The following DNER variants were observed in gnomAD, a reference collection of about 807,000 sequenced individuals.
The protein encoded by DNER is delta and Notch-like epidermal growth factor-related receptor.
Under a neutral mutation model 78.2 loss-of-function variants are expected in DNER, and 33 were observed. The ratio of observed to expected loss-of-function variants is 0.42; its 90% confidence interval spans 0.32 to 0.56. DNER has a LOEUF of 0.56. Ranked by LOEUF, DNER falls within the 20% of genes least tolerant of loss-of-function variation. The pLI is 0.11. For synonymous variants in DNER, 417 were observed against 384.8 expected (o/e 1.08, Z -0.98); for missense variants, 918 against 975.3 (o/e 0.94, Z 0.78).
chr2:229,513,891 C>T (rs1695920103), intron 5 of DNER, among the ~76,000 whole-genome samples: 1 of 152,134 alleles, frequency 6.6e-6, no homozygotes, highest in South Asian at 2.1e-4. Flanking sequence ...CACCCTCCCT[C>T]CCTCTCCCTG....
intron 8 of DNER, among the ~76,000 whole-genome samples, chr2:229,439,234 C>T (rs1351901063): frequency 1.3e-5 from 2 of 152,216 alleles, no homozygotes; most frequent in Non-Finnish European, 2.9e-5. Flanking sequence ...ATGGCCATTT[C>T]ATCTCACCTC....
chr2:229,583,285 C>T (rs1170435294), intron 4 of DNER, among the ~76,000 whole-genome samples: 1 of 152,198 alleles, frequency 6.6e-6, no homozygotes, highest in African/African-American at 2.4e-5. Context: ...TGTAATGCAC[C>T]TGACCTAGCA....
chr2:229,656,192 G>T (rs1698908760), intron 1 of DNER, among the ~76,000 whole-genome samples: 1 of 152,118 alleles, frequency 6.6e-6, no homozygotes, highest in Non-Finnish European at 1.5e-5. Flanking sequence ...CTTTGCCTGT[G>T]GTTACCACAT....
chr2:229,397,578 A>G (rs1476559777), intron 10 of DNER, among the ~76,000 whole-genome samples: 1 of 152,090 alleles, frequency 6.6e-6, no homozygotes, highest in Non-Finnish European at 1.5e-5. Context: ...AGAATGCACA[A>G]TCTTTTCAAG....
intron 1 of DNER, among the ~76,000 whole-genome samples, chr2:229,622,552 G>A (rs535961873): frequency 8.6e-5 from 13 of 151,488 alleles, no homozygotes; most frequent in South Asian, 6.3e-4. Context: ...TAGGAGCCAC[G>A]GACTGTGTTA....
At chr2:229,440,642 T>C (rs6436868) in intron 8 of DNER, among the ~76,000 whole-genome samples, 152,349 of 152,360 alleles carry the variant, frequency 1, 76,169 homozygotes, top group Non-Finnish European at 1. Flanking sequence ...CTGGTTTCAG[T>C]CTTGTTCCCA....
At chr2:229,673,342 T>C (rs1574556924) in intron 1 of DNER, among the ~76,000 whole-genome samples, 1 of 152,306 alleles carries the variant, frequency 6.6e-6, no homozygotes, top group African/African-American at 2.4e-5. Flanking sequence ...CCTGACATCA[T>C]CCGCAGCAGT....
At chr2:229,703,611 G>T (rs1439245389) in intron 1 of DNER, among the ~76,000 whole-genome samples, 2 of 152,244 alleles carry the variant, frequency 1.3e-5, no homozygotes, top group Non-Finnish European at 2.9e-5. Flanking sequence ...GGGCACGGTG[G>T]CTGATGCATG....
intron 1 of DNER, among the ~76,000 whole-genome samples, chr2:229,684,085 A>T (rs1038612774): frequency 1.3e-5 from 2 of 148,542 alleles, no homozygotes; most frequent in Non-Finnish European, 3.0e-5. Context: ...TGAGAACAGG[A>T]GATAGTACCT....
chr2:229,536,376 C>A (rs528678291), intron 5 of DNER, among the ~76,000 whole-genome samples: 1 of 152,048 alleles, frequency 6.6e-6, no homozygotes, highest in Non-Finnish European at 1.5e-5. Context: ...GAGATGCTCA[C>A]GAAACACTGG....
intron 6 of DNER, among the ~76,000 whole-genome samples, chr2:229,485,886 C>T (rs1418107488): frequency 6.6e-6 from 1 of 152,086 alleles, no homozygotes; most frequent in Non-Finnish European, 1.5e-5. Flanking sequence ...CTTTGGAGAG[C>T]TGTTCTGAAG....
intron 6 of DNER, among the ~76,000 whole-genome samples, chr2:229,508,245 G>A (rs1042201865): frequency 6.6e-6 from 1 of 152,134 alleles, no homozygotes; most frequent in Non-Finnish European, 1.5e-5. Flanking sequence ...GCAACACTTG[G>A]GAAAAACAGT....
intron 8 of DNER, among the ~76,000 whole-genome samples, chr2:229,426,658 A>C (rs1021622529): frequency 8.6e-5 from 13 of 152,018 alleles, no homozygotes; most frequent in African/African-American, 2.9e-4. Flanking sequence ...GAGTGTGTGC[A>C]TCTATCTCCC....
At chr2:229,658,163 C>T (rs74001409) in intron 1 of DNER, among the ~76,000 whole-genome samples, 112 of 152,292 alleles carry the variant, frequency 7.4e-4, no homozygotes, top group African/African-American at 2.5e-3. Context: ...TAAACCTAGC[C>T]TGCACAAGCA....
At chr2:229,389,669 G>A (rs1476339146) in intron 10 of DNER, among the ~76,000 whole-genome samples, 1 of 152,062 alleles carries the variant, frequency 6.6e-6, no homozygotes, top group East Asian at 1.9e-4. Context: ...TCTGCTATTG[G>A]TTTACCTTAC....
At chr2:229,364,903 T>C (rs1206917012) in intron 12 of DNER, among the ~76,000 whole-genome samples, 1 of 136,774 alleles carries the variant, frequency 7.3e-6, no homozygotes, top group Non-Finnish European at 1.5e-5. Context: ...CAGGCTGGAG[T>C]GCAGTGGTGT....
intron 7 of DNER, among the ~76,000 whole-genome samples, chr2:229,470,001 C>A (rs1574857400): frequency 6.6e-6 from 1 of 152,296 alleles, no homozygotes; most frequent in East Asian, 1.9e-4. Flanking sequence ...ACATAGGAGG[C>A]ACTCAACAAA....
chr2:229,367,514 T>A (rs1027316217), intron 11 of DNER, among the ~76,000 whole-genome samples: 94 of 152,162 alleles, frequency 6.2e-4, no homozygotes, highest in Non-Finnish European at 3.8e-4. Flanking sequence ...GGCAGTAGAA[T>A]CACTTGAACT....
chr2:229,559,576 A>G (rs968424543), intron 4 of DNER, among the ~76,000 whole-genome samples: 9 of 152,124 alleles, frequency 5.9e-5, no homozygotes, highest in African/African-American at 1.9e-4. Context: ...AGGAAGTCTC[A>G]AGGACTCTAC....
Sources: gnomAD v4.1 joint callset for allele counts (sites outside exome capture counted in the v4.1 genomes callset) on GRCh38, gnomAD v4.1.1 for gene constraint, MANE v1.5 for transcripts, NCBI Gene and HGNC (gene_info 2026-07-23, HGNC 2026-07-21) for gene names.